Variants in CARS1 observed in about 807,000 individuals in gnomAD.
CARS1 encodes cysteinyl-tRNA synthetase 1, also known as cysteine--tRNA ligase, cytoplasmic.
A neutral mutation model predicts 106.2 loss-of-function variants in CARS1; 48 were observed. That is an observed-to-expected ratio of 0.45 (90% CI 0.36 to 0.57). The LOEUF is 0.57. Ranked by LOEUF, CARS1 falls within the 20% of genes least tolerant of loss-of-function variation. CARS1 has a pLI of 0.00. For synonymous variants in CARS1, 409 were observed against 403.4 expected, an observed-to-expected ratio of 1.01 and a Z score of -0.17; for missense variants, 968 against 1,057.2, an observed-to-expected ratio of 0.92 and a Z score of 1.17.
rs889584721 is a variant in CARS1, at chr11:3,041,328, C to T, written c.367-344G>A. Reference sequence around the variant, plus strand: ...ATATTTACTGAGTACCTACCATGTGCCAGGCCCTGAGCTAAATATTCAATA... The same window carrying T: ...ATATTTACTGAGTACCTACCATGTGTCAGGCCCTGAGCTAAATATTCAATA... On this transcript the variant is annotated intron_variant, in intron 3 of 22. Transcript: ENST00000380525. This position sits in a 1 kb window ranked among gnomAD's most constrained non-coding sequence, Gnocchi z 4.9. The T allele has an allele frequency of 1.1e-5, 3 of 285,616 alleles. No individual in the cohort carries two copies. The highest frequency in any genetic ancestry group is 2.0e-5 in the Non-Finnish European group (3 of 147,816). The allele number at this position is 285,616 out of a possible 1,614,324, so 17.7% of individuals were successfully genotyped here. A position where few individuals can be genotyped will look rare whatever the true frequency, so the allele number is the denominator to read the frequency against.
At chr11:3,047,339 C>T (rs1855202056) in intron 2 of CARS1, among the ~76,000 whole-genome samples, 1 of 151,150 alleles carries the variant, frequency 6.6e-6, no homozygotes, top group Non-Finnish European at 1.5e-5. Context: ...AATTCTAAAG[C>T]TGGAGGATAG....
intron 14 of CARS1, 93 bp from the exon 15 acceptor site, chr11:3,018,047 G>T: frequency 1.2e-6 from 1 of 810,382 alleles, no homozygotes; most frequent in South Asian, 1.6e-5. Flanking sequence ...TTTTATTTTT[G>T]GTAAAAATCT....
At chr11:3,005,462 T>G (rs4758458) in intron 19 of CARS1, 29 bp from the exon 20 acceptor site, 1,278,564 of 1,591,072 alleles carry the variant, frequency 0.8, 516,008 homozygotes, top group African/African-American at 0.94. Flanking sequence ...GTGAGAAGAG[T>G]CTGGGCTCTG....
chr11:3,042,334 G>T, intron 2 of CARS1, 78 bp from the exon 3 acceptor site: 3 of 986,924 alleles, frequency 3.0e-6, no homozygotes, highest in Non-Finnish European at 3.1e-6. Flanking sequence ...CTGGAGACTT[G>T]GTTTTTACAA....
At position 3,020,484 on chromosome 11, in the gene CARS1, T is replaced by C. The variant is rs1382102821; in HGVS notation, c.1154-152A>G. 6.4e-6 allele frequency: 4 copies of C among 622,740 alleles called. No homozygotes were observed. Among genetic ancestry groups the C allele is most frequent in the Non-Finnish European group, 1.2e-5 (4 of 344,356 alleles). 38.6% of individuals were successfully genotyped at this position (622,740 alleles called of 1,614,324 possible). A position where few individuals can be genotyped will look rare whatever the true frequency, so the allele number is the denominator to read the frequency against. ...CTCAAGCATTTCTTCAAGTTAACTA[T>C]GTATTACCAGATTCTGGTGTTGACC... On this transcript the variant is annotated intron_variant, in intron 10 of 22. Transcript: ENST00000380525. The surrounding 1 kb of genome is among the most constrained non-coding windows in gnomAD (Gnocchi z 4.6).
chr11:3,002,347 G>T, intron 21 of CARS1, 194 bp downstream of exon 21: 4 of 1,006,300 alleles, frequency 4.0e-6, no homozygotes, highest in African/African-American at 1.6e-5. Flanking sequence ...CCTTCCCCTT[G>T]GCCAGGCCTT....
chr11:3,021,242 G>A lies in CARS1; in HGVS notation c.1154-910C>T, dbSNP rs563247958. ...ACCTGTGAGCCAGTCCAAAGGTCAC[G>A]CAGAGAATCACCCTTTGTTCGATGA... On this transcript the variant is annotated intron_variant, in intron 10 of 22. Coordinates refer to ENST00000380525, the MANE Select transcript of CARS1 (RefSeq NM_001014437.3). The surrounding 1 kb of genome is among the most constrained non-coding windows in gnomAD (Gnocchi z 5.3). Among the ~76,000 whole-genome samples the A allele has an allele frequency of 9.8e-5, 15 of 152,310 alleles. No individual in the cohort carries two copies. Among genetic ancestry groups the A allele is most frequent in the African/African-American group, 2.6e-4 (11 of 41,554 alleles).
intron 7 of CARS1, chr11:3,031,708 CAG>C (rs1852783879): frequency 1.3e-5 from 2 of 152,236 alleles, no homozygotes. Context: ...CTTACCAGAG[CAG>C]AGACTCATAA....
Position 3,041,017 on chromosome 11 carries a change from G to A in CARS1, c.367-33C>T. Reference sequence around the variant, plus strand: ...AGGAATGAAGGAATGACGATCACAAGAAATGCAAGAAACACTGCACAGGAT... The same window carrying A: ...AGGAATGAAGGAATGACGATCACAAAAAATGCAAGAAACACTGCACAGGAT... On this transcript the variant is annotated intron_variant, in intron 3 of 22. Coordinates refer to ENST00000380525, the MANE Select transcript of CARS1 (RefSeq NM_001014437.3). The surrounding 1 kb of genome is among the most constrained non-coding windows in gnomAD (Gnocchi z 4.9). The A allele has an allele frequency of 6.2e-7, 1 of 1,613,996 alleles. No individual in the cohort carries two copies. The highest frequency in any genetic ancestry group is 8.5e-7 in the Non-Finnish European group (1 of 1,179,952).
rs377077418 is a variant in CARS1, at chr11:3,056,435, G to A, written c.25+908C>T. Among the ~76,000 whole-genome samples, 26 of 152,060 alleles carry A rather than the reference G, an allele frequency of 1.7e-4. No homozygotes were observed. The South Asian group carries it at 5.0e-3, about 29-fold the overall frequency. On this transcript the variant is annotated intron_variant, in intron 1 of 22. Coordinates refer to ENST00000380525, the MANE Select transcript of CARS1 (RefSeq NM_001014437.3). ...AAATCTTGCTGGAGGGACAGTGAGA[G>A]AAGAACCCACTGGTCTCTCAAGGTC...
At position 3,055,073 on chromosome 11, in the gene CARS1, G is replaced by C. The variant is rs895138508; in HGVS notation, c.25+2270C>G. ...CCAGTGAGATCAGGAAAGAGAAATA[G>C]ACCTTCTGAGTCAACTTAGGGAAGA... On this transcript the variant is annotated intron_variant, in intron 1 of 22. Transcript: ENST00000380525. The C allele has an allele frequency of 7.7e-6, 5 of 649,536 alleles. No individual in the cohort carries two copies. The Admixed American group carries it at 1.1e-4, about 14-fold the overall frequency. The allele number at this position is 649,536 out of a possible 1,614,324, so 40.2% of individuals were successfully genotyped here. A position where few individuals can be genotyped will look rare whatever the true frequency, so the allele number is the denominator to read the frequency against.
chr11:3,020,383 C>T lies in CARS1; in HGVS notation c.1154-51G>A, dbSNP rs1851468880. 9.0e-7 allele frequency: 1 copy of T among 1,109,058 alleles called. No homozygotes were observed. Among genetic ancestry groups the T allele is most frequent in the African/African-American group, 1.5e-5 (1 of 65,282 alleles). 68.7% of individuals were successfully genotyped at this position (1,109,058 alleles called of 1,614,324 possible). On this transcript the variant is annotated intron_variant, in intron 10 of 22. Coordinates refer to ENST00000380525, the MANE Select transcript of CARS1 (RefSeq NM_001014437.3). This position sits in a 1 kb window ranked among gnomAD's most constrained non-coding sequence, Gnocchi z 4.6. ...AGGTCACTCAGCAGCACCCACAGAC[C>T]CACATGTCTCACTTCAAGGCCATCC... is the stretch of plus-strand genomic sequence containing the variant.
Position 3,003,708 on chromosome 11 carries a change from G to T in CARS1, c.2218-1108C>A, listed in dbSNP as rs1380225817. Among the ~76,000 whole-genome samples, 1 of 152,166 alleles carries T rather than the reference G, an allele frequency of 6.6e-6. No individual in the cohort carries two copies. Among genetic ancestry groups the T allele is most frequent in the Non-Finnish European group, 1.5e-5 (1 of 68,026 alleles). ...GGGGCTGAGGTGGGGGAGGAGCTGG[G>T]CACTGAGCTTGGAGGAACCAGAGAC... On this transcript the variant is annotated intron_variant, in intron 20 of 22. Coordinates refer to ENST00000380525, the MANE Select transcript of CARS1 (RefSeq NM_001014437.3). This position sits in a 1 kb window ranked among gnomAD's most constrained non-coding sequence, Gnocchi z 4.8.
rs1029541576 is a variant in CARS1 at position 3,034,463 on chromosome 11, C to T, written c.801+3587G>A. Among the ~76,000 whole-genome samples, 1 of 152,100 alleles carries T rather than the reference C, an allele frequency of 6.6e-6. No individual in the cohort carries two copies. Among genetic ancestry groups the T allele is most frequent in the Non-Finnish European group, 1.5e-5 (1 of 68,014 alleles). On this transcript the variant is annotated intron_variant, in intron 7 of 22. Coordinates refer to ENST00000380525, the MANE Select transcript of CARS1 (RefSeq NM_001014437.3). The surrounding 1 kb of genome is among the most constrained non-coding windows in gnomAD (Gnocchi z 6.3). ...CTCAAACCCCTGACCTCAGGTGATCCGCCCGCCTCAGCCTCCCAAAGTGCT... is the reference window on the plus strand; with the variant it reads ...CTCAAACCCCTGACCTCAGGTGATCTGCCCGCCTCAGCCTCCCAAAGTGCT...
Position 3,019,332 on chromosome 11 carries a change from T to C in CARS1, c.1267-65A>G. On this transcript the variant is annotated intron_variant, in intron 11 of 22. Coordinates refer to ENST00000380525, the MANE Select transcript of CARS1 (RefSeq NM_001014437.3). This position sits in a 1 kb window ranked among gnomAD's most constrained non-coding sequence, Gnocchi z 6.2. The stretch of plus-strand genomic sequence containing the variant: ...CGCTTGTCCAGGCCTTTATCACTTA[T>C]CACTCCAAGTTGATGGCCCTTACAT... 6 of 1,342,074 alleles carry C rather than the reference T, an allele frequency of 4.5e-6. No individual in the cohort carries two copies. Among genetic ancestry groups the C allele is most frequent in the Non-Finnish European group, 5.8e-6 (6 of 1,039,038 alleles). The allele number at this position is 1,342,074 out of a possible 1,614,324, so 83.1% of individuals were successfully genotyped here.
At chr11:3,002,634 G>A (rs1289213162) in intron 20 of CARS1, 34 bp from the exon 21 acceptor site, 10 of 1,612,794 alleles carry the variant, frequency 6.2e-6, no homozygotes, top group Non-Finnish European at 8.5e-6. Context: ...ATGAGACAGG[G>A]CTGCCTCAGG....
rs767058793 is a variant in CARS1 at position 3,028,998 on chromosome 11, G to A, written c.1029C>T (p.Tyr343=). The A allele has an allele frequency of 2.2e-5, 35 of 1,611,714 alleles. No individual in the cohort carries two copies. Among genetic ancestry groups the A allele is most frequent in the East Asian group, 2.2e-5 (1 of 44,860 alleles). Residue 343 remains tyrosine, a splice_region_variant and synonymous_variant, in exon 9 of 23, where the codon TAC becomes TAT. Transcript: ENST00000380525. The surrounding 1 kb of genome is among the most constrained non-coding windows in gnomAD (Gnocchi z 4.4). ...CTAGGGAAGGCCCTTGTGCTTACCCGTAACCGTTGTCCACAATCTTCTGGA... is the reference window on the plus strand; with the variant it reads ...CTAGGGAAGGCCCTTGTGCTTACCCATAACCGTTGTCCACAATCTTCTGGA... ...NFVQKIVDNG[Y]GYVSNGSVYF...
intron 7 of CARS1, among the ~76,000 whole-genome samples, chr11:3,032,114 C>T (rs1417173859): frequency 6.8e-6 from 1 of 147,202 alleles, no homozygotes; most frequent in African/African-American, 2.5e-5. Context: ...AGCTCTGTCA[C>T]CAGGCTGGAG....
At chr11:3,016,655 T>C (rs576667456) in intron 16 of CARS1, among the ~76,000 whole-genome samples, 3 of 152,262 alleles carry the variant, frequency 2.0e-5, no homozygotes, top group Admixed American at 6.5e-5. Flanking sequence ...CTCCCCTCTA[T>C]TGCCCAGAGT....
Sources: allele counts gnomAD v4.1 joint callset (sites outside exome capture counted in the v4.1 genomes callset), GRCh38; gene constraint gnomAD v4.1.1; non-coding constraint Gnocchi (gnomAD v3.1); transcripts MANE v1.5; gene names NCBI Gene and HGNC (gene_info 2026-07-23, HGNC 2026-07-21).